NDRG2: variants seen among roughly 807,000 people sequenced by gnomAD.
The protein encoded by NDRG2 is NDRG family member 2.
Under a neutral mutation model 58.2 loss-of-function variants are expected in NDRG2, and 34 were observed. The observed-to-expected ratio is 0.58, with a 90% CI of 0.44 to 0.78. The LOEUF (loss-of-function observed/expected upper bound fraction) is 0.78. Among genes scored for constraint, NDRG2 ranks in the 30% least tolerant of loss-of-function variants. The pLI, the probability that NDRG2 is intolerant of heterozygous loss-of-function variation, is 0.00. For synonymous variants in NDRG2, 187 were observed against 175.9 expected, an observed-to-expected ratio of 1.06 and a Z score of -0.50; for missense variants, 434 against 471.2, an observed-to-expected ratio of 0.92 and a Z score of 0.73.
chr14:21,058,154 G>A, intron 1 of NDRG2: 1 of 1,614,082 alleles, frequency 6.2e-7, no homozygotes, highest in Middle Eastern at 1.6e-4. Flanking sequence ...CCCCAACATA[G>A]CCTGCAAGAA....
At chr14:21,031,511 C>T (rs959537894) in intron 1 of NDRG2, among the ~76,000 whole-genome samples, 3 of 152,216 alleles carry the variant, frequency 2.0e-5, no homozygotes, top group Non-Finnish European at 4.4e-5. Context: ...TCTCAGGCCT[C>T]CTGCCTCTCA....
chr14:21,029,206 A>C (rs1883896652), upstream of NDRG2: 1 of 152,186 alleles, frequency 6.6e-6, no homozygotes, highest in Non-Finnish European at 1.5e-5. Context: ...GCTACACTTG[A>C]GCCTGGAGAC....
chr14:21,018,649 C>A, intron 12 of NDRG2, 114 bp downstream of exon 12: 1 of 1,572,712 alleles, frequency 6.4e-7, no homozygotes, highest in Non-Finnish European at 8.6e-7. Flanking sequence ...TCTTAGTGCC[C>A]CAAAGTTGAT....
chr14:21,046,215 T>C (rs1885137237), intron 1 of NDRG2, among the ~76,000 whole-genome samples: 1 of 152,198 alleles, frequency 6.6e-6, no homozygotes, highest in Non-Finnish European at 1.5e-5. Flanking sequence ...GTGGTGTTTA[T>C]TAAATTGTTG....
chr14:21,038,865 C>T (rs1244453226), intron 1 of NDRG2, among the ~76,000 whole-genome samples: 1 of 152,164 alleles, frequency 6.6e-6, no homozygotes, highest in Non-Finnish European at 1.5e-5. Context: ...AGTGCTGCCT[C>T]CTCCTGACCC....
chr14:21,048,548 G>A (rs951737257), intron 1 of NDRG2: 36 of 152,242 alleles, frequency 2.4e-4, no homozygotes, highest in African/African-American at 8.4e-4. Context: ...GTGAGCCAAT[G>A]CGCCTGGCAA....
Position 21,024,917 on chromosome 14 carries a change from T to C in NDRG2, c.-894A>G, listed in dbSNP as rs1740827324. On this transcript the variant is annotated 5_prime_UTR_variant, in exon 1 of 16. Transcript: ENST00000556147. ...CAGCAACCGAGCGCCCGCTCCGTGC[T>C]GGCCCTTTCCCCCGAGCCTCCAGCT... is the stretch of plus-strand genomic sequence containing the variant. The C allele has an allele frequency of 1.0e-6, 1 of 985,702 alleles. No homozygotes were observed. The highest frequency in any genetic ancestry group is 4.7e-5 in the South Asian group (1 of 21,302). 61.1% of individuals were successfully genotyped at this position (985,702 alleles called of 1,614,324 possible).
Position 21,022,161 on chromosome 14 carries a change from AG to A in NDRG2, c.244del (p.Leu82CysfsTer46). On this transcript the variant is annotated frameshift_variant, in exon 5 of 16. Coordinates refer to ENST00000556147, the MANE Select transcript of NDRG2 (RefSeq NM_001320329.2). LOFTEE classifies it high-confidence loss of function. ...TTCCTGCATGTCCTCGAACTGAAAC[AG>A]TGGCTGGAAGCAAGATTTATCTAAA... is the stretch of plus-strand genomic sequence containing the variant. The part of the protein sequence containing the change: ...GLNYKSCFQP[L>X]FQFEDMQEII... The A allele has an allele frequency of 6.2e-7, 1 of 1,614,236 alleles. No individual in the cohort carries two copies. Among genetic ancestry groups the A allele is most frequent in the Non-Finnish European group, 8.5e-7 (1 of 1,180,046 alleles).
At position 21,070,705 on chromosome 14, in the gene NDRG2, C is replaced by T. The variant is rs1408623830; in HGVS notation, c.24+123G>A. The T allele has an allele frequency of 2.6e-6, 3 of 1,164,358 alleles. No homozygotes were observed. Among genetic ancestry groups the T allele is most frequent in the Admixed American group, 4.2e-5 (2 of 47,480 alleles). 72.1% of individuals were successfully genotyped at this position (1,164,358 alleles called of 1,614,324 possible). A position where few individuals can be genotyped will look rare whatever the true frequency, so the allele number is the denominator to read the frequency against. The stretch of plus-strand genomic sequence containing the variant: ...CCGCCCTCCTCTGTCCTGACCTGTG[C>T]CTTCCTTTCCTGGAGCTTCCCTCCC... On this transcript the variant is annotated intron_variant, in intron 1 of 14. Coordinates refer to the NDRG2 transcript ENST00000403829. The surrounding 1 kb of genome is among the most constrained non-coding windows in gnomAD (Gnocchi z 4.7).
intron 1 of NDRG2, among the ~76,000 whole-genome samples, chr14:21,054,558 C>G (rs1885596562): frequency 6.6e-6 from 1 of 152,150 alleles, no homozygotes; most frequent in Non-Finnish European, 1.5e-5. Flanking sequence ...GCTGCCATCC[C>G]CACTCTGTCA....
chr14:21,058,781 T>G (rs760441401), intron 1 of NDRG2, among the ~76,000 whole-genome samples: 5 of 152,230 alleles, frequency 3.3e-5, no homozygotes, highest in Non-Finnish European at 5.9e-5. Flanking sequence ...GGAAGGGGAA[T>G]CTCTGCTGTG....
chr14:21,031,905 T>C, intron 1 of NDRG2: 1 of 1,613,410 alleles, frequency 6.2e-7, no homozygotes, highest in Non-Finnish European at 8.5e-7. Flanking sequence ...GCAACAACAG[T>C]GGGTGCAGTG....
intron 1 of NDRG2, among the ~76,000 whole-genome samples, chr14:21,052,041 G>C (rs1234504740): frequency 6.6e-6 from 1 of 152,218 alleles, no homozygotes; most frequent in African/African-American, 2.4e-5. Flanking sequence ...TAAGGTGCTG[G>C]CTACTTACTA....
chr14:21,059,475 G>T (rs76225787), intron 1 of NDRG2, among the ~76,000 whole-genome samples: 1 of 90,602 alleles, frequency 1.1e-5, no homozygotes, highest in Admixed American at 1.1e-4. Context: ...AAGTTACTGG[G>T]TTTTTTTGGG....
At position 21,070,443 on chromosome 14, in the gene NDRG2, G is replaced by C; in HGVS notation, c.24+385C>G. ...CCCCCTGGGTCCCCTCGGCCTTCGC[G>C]CAGCCCGCTCCGGGCCCCCAAGTCC... On this transcript the variant is annotated intron_variant, in intron 1 of 14. Coordinates refer to the NDRG2 transcript ENST00000403829. This position sits in a 1 kb window ranked among gnomAD's most constrained non-coding sequence, Gnocchi z 4.7. 7.3e-7 allele frequency: 1 copy of C among 1,369,110 alleles called. No homozygotes were observed. 84.8% of individuals were successfully genotyped at this position (1,369,110 alleles called of 1,614,324 possible).
At chr14:21,046,477 G>GCACTCCAGCCTGTGTAA (rs1885150293) in intron 1 of NDRG2, among the ~76,000 whole-genome samples, 1 of 151,122 alleles carries the variant, frequency 6.6e-6, no homozygotes, top group African/African-American at 2.4e-5. Flanking sequence ...GCCATGATCT[G>GCACTCCAGCCTGTGTAA]CACTCCAGCC....
rs1447528792 is a variant in NDRG2, at chr14:21,070,029, C to T, written c.24+799G>A. On this transcript the variant is annotated intron_variant, in intron 1 of 14. Transcript: ENST00000403829. This position sits in a 1 kb window ranked among gnomAD's most constrained non-coding sequence, Gnocchi z 4.7. ...GGGCATCCTCGGCTGGGCGGGCCTCCGAGGGTCAGGGTCGAGGTTACCCGC... is the reference window on the plus strand; with the variant it reads ...GGGCATCCTCGGCTGGGCGGGCCTCTGAGGGTCAGGGTCGAGGTTACCCGC... 1.3e-5 allele frequency among the ~76,000 whole-genome samples: 2 copies of T among 151,880 alleles called. No individual in the cohort carries two copies. The highest frequency in any genetic ancestry group is 4.8e-5 in the African/African-American group (2 of 41,334).
chr14:21,056,818 C>T (rs1418458823), intron 1 of NDRG2, among the ~76,000 whole-genome samples: 1 of 152,214 alleles, frequency 6.6e-6, no homozygotes, highest in African/African-American at 2.4e-5. Flanking sequence ...GGAACTCAAG[C>T]TCCCTCATCT....
chr14:21,068,039 G>C (rs868629222), intron 1 of NDRG2, among the ~76,000 whole-genome samples: 1 of 9,624 alleles, frequency 1.0e-4, no homozygotes, highest in African/African-American at 1.5e-4. Context: ...TCGCTCTGTC[G>C]CCCAGGCTGG....
Sources: allele counts gnomAD v4.1 joint callset (sites outside exome capture counted in the v4.1 genomes callset), GRCh38; gene constraint gnomAD v4.1.1; non-coding constraint Gnocchi (gnomAD v3.1); transcripts MANE v1.5; gene names NCBI Gene and HGNC (gene_info 2026-07-23, HGNC 2026-07-21).